The following STIM1 variants were observed in gnomAD, a reference collection of about 807,000 sequenced individuals.
STIM1 encodes stromal interaction molecule 1.
STIM1 carries 25 observed loss-of-function variants against 74.7 expected under a neutral mutation model. The observed-to-expected ratio is 0.33, with a 90% CI of 0.24 to 0.47. The LOEUF (loss-of-function observed/expected upper bound fraction) is 0.47. Among genes scored for constraint, STIM1 ranks in the 20% least tolerant of loss-of-function variants. The probability of loss-of-function intolerance (pLI) is 1.00; values close to 1 mark genes in which losing one functional copy is unlikely to be tolerated. For synonymous variants in STIM1, 328 were observed against 348.8 expected, an observed-to-expected ratio of 0.94 and a Z score of 0.66; for missense variants, 728 against 920.8, an observed-to-expected ratio of 0.79 and a Z score of 2.71.
rs1196563629 is a variant in STIM1, at chr11:3,856,168, G to A, written c.-103G>A. 1 of 1,504,726 alleles carries A rather than the reference G, an allele frequency of 6.6e-7. No homozygotes were observed. Among genetic ancestry groups the A allele is most frequent in the Non-Finnish European group, 9.2e-7 (1 of 1,090,068 alleles). 93.2% of individuals were successfully genotyped at this position (1,504,726 alleles called of 1,614,324 possible). A position where few individuals can be genotyped will look rare whatever the true frequency, so the allele number is the denominator to read the frequency against. On this transcript the variant is annotated 5_prime_UTR_variant, in exon 1 of 13. Transcript: ENST00000526596. ...GCTGGACAGCTGCGGAGCCGCGAGG[G>A]CATCTTGCCTGGAGACCGTCGGCTG...
intron 1 of STIM1, among the ~76,000 whole-genome samples, chr11:3,964,544 A>G (rs1288498683): frequency 6.6e-6 from 1 of 152,090 alleles, no homozygotes; most frequent in Non-Finnish European, 1.5e-5. Flanking sequence ...TGGATCTTGT[A>G]GGTTTTTGGG....
chr11:3,943,865 A>G (rs902999379), intron 1 of STIM1, among the ~76,000 whole-genome samples: 24 of 152,262 alleles, frequency 1.6e-4, no homozygotes, highest in African/African-American at 5.8e-4. Flanking sequence ...TATGACTTAA[A>G]GAAAACAAAT....
At chr11:3,861,214 G>C (rs886877233) in intron 1 of STIM1, among the ~76,000 whole-genome samples, 7 of 151,670 alleles carry the variant, frequency 4.6e-5, no homozygotes, top group South Asian at 4.2e-4. Flanking sequence ...TTGCAGTCAT[G>C]TGTGATCTAG....
rs35637264 is a variant in STIM1 at position 4,091,578 on chromosome 11, C to A, written c.1931C>A (p.Ser644Tyr). ...APPGGSPHLD[S>Y]SRSHSPSSPD... ...CCTGGTGGCTCTCCACATTTGGATT[C>A]TTCCCGTTCTCACAGCCCCAGCTCC... Residue 644 changes from serine to tyrosine, a missense_variant, in exon 13 of 13, where the codon TCT (serine) becomes TAT (tyrosine). Ser to Tyr is a moderately radical substitution (Grantham distance 144). Around this residue, in one of 5 missense-constraint regions of STIM1, gnomAD observed 352 missense variants for 370.1 expected, o/e 0.95. Coordinates refer to ENST00000526596, the MANE Select transcript of STIM1 (RefSeq NM_001382567.1). 889 of 1,614,204 alleles carry A rather than the reference C, an allele frequency of 5.5e-4. 3 individuals carry two copies. In the African/African-American group the frequency reaches 0.011, roughly 19 times the overall value.
At chr11:3,877,679 C>T (rs549684990) in intron 1 of STIM1, among the ~76,000 whole-genome samples, 1 of 152,256 alleles carries the variant, frequency 6.6e-6, no homozygotes, top group South Asian at 2.1e-4. Flanking sequence ...ATTTTTCCCT[C>T]ATGCCTAAGT....
chr11:4,023,308 G>A (rs1317574567), intron 2 of STIM1, among the ~76,000 whole-genome samples: 2 of 151,460 alleles, frequency 1.3e-5, no homozygotes, highest in African/African-American at 4.8e-5. Context: ...CAGCCTGGGT[G>A]ACGAGCGAGA....
At chr11:4,043,238 G>A (rs1449679823) in intron 3 of STIM1, among the ~76,000 whole-genome samples, 1 of 152,092 alleles carries the variant, frequency 6.6e-6, no homozygotes, top group African/African-American at 2.4e-5. Flanking sequence ...AATAAAACAG[G>A]AGGTTTTATT....
chr11:3,895,795 C>T (rs1164247931), intron 1 of STIM1, among the ~76,000 whole-genome samples: 2 of 78,622 alleles, frequency 2.5e-5, no homozygotes, highest in East Asian at 4.2e-4. Flanking sequence ...TTCCTTCCTT[C>T]CTTCCTTCCT....
At chr11:3,955,867 C>T (rs2093205558) in intron 1 of STIM1, among the ~76,000 whole-genome samples, 1 of 151,744 alleles carries the variant, frequency 6.6e-6, no homozygotes, top group South Asian at 2.1e-4. Context: ...AAAGAAGGAT[C>T]ATAAAAAGCA....
intron 1 of STIM1, among the ~76,000 whole-genome samples, chr11:3,863,429 C>T (rs1251780809): frequency 2.6e-5 from 4 of 151,530 alleles, no homozygotes; most frequent in African/African-American, 9.7e-5. Context: ...GCTACTTTTT[C>T]TATTTTTTTG....
In STIM1 at chr11:4,058,872, C is replaced by T. The variant is rs140299715; in HGVS notation, c.498-409C>T. 1.2e-3 allele frequency: 1,264 copies of T among 1,051,692 alleles called. 12 individuals carry two copies. The African/African-American group carries it at 0.02, about 16-fold the overall frequency. 65.1% of individuals were successfully genotyped at this position (1,051,692 alleles called of 1,614,324 possible). Reference sequence around the variant, plus strand: ...GTTTAGATTAGGATAATTCATAAATCCCAGAATCACTGGGTCATATGACAT... The same window carrying T: ...GTTTAGATTAGGATAATTCATAAATTCCAGAATCACTGGGTCATATGACAT... On this transcript the variant is annotated intron_variant, in intron 4 of 12. Coordinates refer to ENST00000526596, the MANE Select transcript of STIM1 (RefSeq NM_001382567.1).
chr11:4,057,653 G>A (rs1237830801), intron 4 of STIM1, among the ~76,000 whole-genome samples: 4 of 152,072 alleles, frequency 2.6e-5, no homozygotes, highest in Admixed American at 2.0e-4. Context: ...GGTGGATCAC[G>A]AGGTCAGGTG....
chr11:4,019,302 GT>G (rs200741047), intron 2 of STIM1, among the ~76,000 whole-genome samples: 1,851 of 151,852 alleles, frequency 0.012, 18 homozygotes, highest in Middle Eastern at 0.027. Flanking sequence ...CTTCCCTGCT[GT>G]TTTTTTCTTT....
chr11:3,967,782 G>C, intron 2 of STIM1, 100 bp downstream of exon 2: 1 of 1,556,702 alleles, frequency 6.4e-7, no homozygotes, highest in Non-Finnish European at 8.8e-7. Context: ...GATGTTCTCT[G>C]CTGGCTTGTT....
intron 3 of STIM1, among the ~76,000 whole-genome samples, chr11:4,039,825 T>A (rs2094134515): frequency 6.6e-6 from 1 of 151,922 alleles, no homozygotes; most frequent in Non-Finnish European, 1.5e-5. Flanking sequence ...TGGAGTACAG[T>A]GGCGTGATCT....
intron 2 of STIM1, among the ~76,000 whole-genome samples, chr11:3,984,773 A>C (rs533778796): frequency 6.6e-6 from 1 of 152,342 alleles, no homozygotes; most frequent in East Asian, 1.9e-4. Flanking sequence ...TTGGAGACTC[A>C]CTTTCCTCAT....
At chr11:3,924,732 C>A (rs531168628) in intron 1 of STIM1, among the ~76,000 whole-genome samples, 36 of 152,138 alleles carry the variant, frequency 2.4e-4, no homozygotes, top group Non-Finnish European at 4.1e-4. Context: ...TACCCATAAT[C>A]CTTTTAAAAT....
At chr11:3,922,361 G>T (rs1343727145) in intron 1 of STIM1, among the ~76,000 whole-genome samples, 4 of 151,896 alleles carry the variant, frequency 2.6e-5, no homozygotes, top group Non-Finnish European at 5.9e-5. Context: ...TTATTATTTT[G>T]GTGATTATCT....
intron 1 of STIM1, among the ~76,000 whole-genome samples, chr11:3,931,215 G>A (rs2092855727): frequency 6.6e-6 from 1 of 152,132 alleles, no homozygotes; most frequent in Non-Finnish European, 1.5e-5. Context: ...ATAAGTAAGG[G>A]TTAAGAAAGG....
Sources: allele counts gnomAD v4.1 joint callset (sites outside exome capture counted in the v4.1 genomes callset), GRCh38; gene constraint gnomAD v4.1.1; regional missense constraint gnomAD v4.1.1; transcripts MANE v1.5; gene names NCBI Gene and HGNC (gene_info 2026-07-23, HGNC 2026-07-21).